The following THRB variants were observed in gnomAD, a reference collection of about 807,000 sequenced individuals.
THRB encodes the protein nuclear receptor subfamily 1 group A member 2.
In THRB, 12 loss-of-function variants were observed where a neutral mutation model predicts 47.8. The ratio of observed to expected loss-of-function variants is 0.25; its 90% CI spans 0.16 to 0.41. THRB has a LOEUF of 0.41. Ranked by LOEUF, THRB falls within the 10% of genes least tolerant of loss-of-function variation. The probability of loss-of-function intolerance (pLI) is 1.00; values close to 1 mark genes in which losing one functional copy is unlikely to be tolerated. For missense variants in THRB, 348 were observed against 589.2 expected, an observed-to-expected ratio of 0.59 and a Z score of 4.24; for synonymous variants, 218 against 212.2, an observed-to-expected ratio of 1.03 and a Z score of -0.24.
chr3:24,495,076 C>T (rs1179394665), upstream of THRB: 3 of 152,394 alleles, frequency 2.0e-5, no homozygotes, highest in Admixed American at 1.3e-4. Flanking sequence ...GTCCCCGCCT[C>T]TCCGGGTCCC....
intron 5 of THRB, among the ~76,000 whole-genome samples, chr3:24,173,910 T>A (rs1402649723): frequency 6.6e-6 from 1 of 152,220 alleles, no homozygotes; most frequent in Non-Finnish European, 1.5e-5. Flanking sequence ...CCAAGGTACC[T>A]CACATACCAA....
At chr3:24,352,453 G>A (rs1024964879) in intron 1 of THRB, among the ~76,000 whole-genome samples, 2 of 152,084 alleles carry the variant, frequency 1.3e-5, no homozygotes, top group African/African-American at 4.8e-5. Flanking sequence ...AGCTAGAAAG[G>A]GTCAAAAATG....
At chr3:24,126,783 C>T (rs2084566) in intron 10 of THRB, among the ~76,000 whole-genome samples, 22 of 152,308 alleles carry the variant, frequency 1.4e-4, no homozygotes, top group African/African-American at 2.2e-4. Context: ...ACAGGGGGAC[C>T]GTTGAGTCCT....
At chr3:24,361,301 A>G (rs1183690198) in intron 1 of THRB, among the ~76,000 whole-genome samples, 1 of 152,182 alleles carries the variant, frequency 6.6e-6, no homozygotes, top group Non-Finnish European at 1.5e-5. Context: ...TTGGAAAAAC[A>G]CACCATCATC....
At chr3:24,178,089 TCAC>T (rs1416072667) in intron 5 of THRB, among the ~76,000 whole-genome samples, 33 of 152,248 alleles carry the variant, frequency 2.2e-4, no homozygotes, top group African/African-American at 6.7e-4. Flanking sequence ...CTTCTGACAT[TCAC>T]CTTTAGAGCA....
chr3:24,339,357 C>T (rs1453252286), intron 1 of THRB, among the ~76,000 whole-genome samples: 3 of 151,880 alleles, frequency 2.0e-5, no homozygotes, highest in African/African-American at 2.4e-5. Flanking sequence ...TCACAATGAC[C>T]GTATGAGGTA....
At chr3:24,454,613 C>T (rs373384328) in intron 1 of THRB, among the ~76,000 whole-genome samples, 13 of 152,292 alleles carry the variant, frequency 8.5e-5, no homozygotes, top group African/African-American at 2.9e-4. Context: ...TGTGGCTTAA[C>T]TAAGAGTATC....
At chr3:24,137,838 T>C (rs2034883127) in intron 8 of THRB, among the ~76,000 whole-genome samples, 1 of 152,116 alleles carries the variant, frequency 6.6e-6, no homozygotes. Flanking sequence ...AGCTGTGGTT[T>C]GGGCAGGCTG....
At chr3:24,207,643 A>G (rs1053624046) in intron 4 of THRB, among the ~76,000 whole-genome samples, 3 of 152,118 alleles carry the variant, frequency 2.0e-5, no homozygotes, top group Non-Finnish European at 2.9e-5. Context: ...TCAATCATAT[A>G]GTGCAGAAAC....
At chr3:24,269,022 G>C (rs1208224569) in intron 3 of THRB, among the ~76,000 whole-genome samples, 3 of 152,260 alleles carry the variant, frequency 2.0e-5, no homozygotes, top group Admixed American at 6.5e-5. Flanking sequence ...GTATTATATA[G>C]TTTGTCACAG....
intron 2 of THRB, among the ~76,000 whole-genome samples, chr3:24,312,779 G>C (rs1406215336): frequency 6.6e-6 from 1 of 152,188 alleles, no homozygotes; most frequent in Non-Finnish European, 1.5e-5. Context: ...TAGGCCATGT[G>C]GAAGAGCGAA....
chr3:24,453,539 AG>A (rs1426127563), intron 1 of THRB, among the ~76,000 whole-genome samples: 1 of 152,188 alleles, frequency 6.6e-6, no homozygotes, highest in Non-Finnish European at 1.5e-5. Context: ...GCAACAGCAA[AG>A]GTCTCCCAAG....
intron 1 of THRB, among the ~76,000 whole-genome samples, chr3:24,387,970 C>T (rs1264783766): frequency 6.6e-6 from 1 of 152,080 alleles, no homozygotes; most frequent in Non-Finnish European, 1.5e-5. Context: ...GCAACCTCAT[C>T]CTTGTGTTCA....
At chr3:24,250,578 A>G (rs1205325688) in intron 3 of THRB, among the ~76,000 whole-genome samples, 1 of 152,132 alleles carries the variant, frequency 6.6e-6, no homozygotes. Context: ...GTGTACACCT[A>G]TAGTCTCAGC....
At chr3:24,467,779 T>C (rs1348668852) in intron 1 of THRB, among the ~76,000 whole-genome samples, 1 of 152,196 alleles carries the variant, frequency 6.6e-6, no homozygotes, top group Non-Finnish European at 1.5e-5. Context: ...AGAGTAGATT[T>C]AGCATAGTTC....
intron 2 of THRB, among the ~76,000 whole-genome samples, chr3:24,325,795 G>C (rs1169115434): frequency 2.0e-5 from 3 of 152,172 alleles, no homozygotes; most frequent in Non-Finnish European, 2.9e-5. Context: ...AGGTATGTTA[G>C]TGTGCCAAAT....
At chr3:24,242,830 C>A (rs912557031) in intron 3 of THRB, among the ~76,000 whole-genome samples, 1 of 152,076 alleles carries the variant, frequency 6.6e-6, no homozygotes, top group African/African-American at 2.4e-5. Context: ...GTCTGATGAT[C>A]CAGGTGGGCT....
chr3:24,178,864 A>G (rs1001632602), intron 5 of THRB, among the ~76,000 whole-genome samples: 2 of 152,222 alleles, frequency 1.3e-5, no homozygotes, highest in Non-Finnish European at 2.9e-5. Flanking sequence ...AATGATAAGG[A>G]TATAGGTGAT....
chr3:24,318,120 T>A (rs1559914350), intron 2 of THRB, among the ~76,000 whole-genome samples: 1 of 152,098 alleles, frequency 6.6e-6, no homozygotes, highest in East Asian at 1.9e-4. Context: ...AAAAAGTGAG[T>A]AGAAGCGAAA....
Sources: allele counts gnomAD v4.1 joint callset (sites outside exome capture counted in the v4.1 genomes callset), GRCh38; gene constraint gnomAD v4.1.1; transcripts MANE v1.5; gene names NCBI Gene and HGNC (gene_info 2026-07-23, HGNC 2026-07-21).